Variants in KHDRBS2 observed in about 807,000 individuals in gnomAD.
KHDRBS2 encodes the protein KH domain-containing, RNA-binding, signal transduction-associated protein 2.
KHDRBS2 carries 26 observed loss-of-function variants against 44.3 expected under a neutral mutation model. The observed-to-expected ratio is 0.59, with a 90% CI of 0.43 to 0.81. The LOEUF (loss-of-function observed/expected upper bound fraction) is 0.81. Among genes scored for constraint, KHDRBS2 ranks in the 40% least tolerant of loss-of-function variants. KHDRBS2 has a pLI of 0.00. For synonymous variants in KHDRBS2, 194 were observed against 151.1 expected (o/e 1.28, Z -2.08); for missense variants, 476 against 433.1 (o/e 1.10, Z -0.88).
At chr6:61,565,143 G>A in the KHDRBS2 span, among the ~76,000 whole-genome samples, 1 of 152,016 alleles carries the variant, frequency 6.6e-6, no homozygotes, top group Admixed American at 6.6e-5. Flanking sequence ...AGACCCCTAT[G>A]TCTCACCGTA....
At chr6:61,785,970 T>A (rs1265439911) in intron 6 of KHDRBS2, among the ~76,000 whole-genome samples, 1 of 152,062 alleles carries the variant, frequency 6.6e-6, no homozygotes, top group Non-Finnish European at 1.5e-5. Context: ...GCTGACTATA[T>A]CCTTGGCTAA....
chr6:61,916,428 T>C (rs1336928444), intron 4 of KHDRBS2, among the ~76,000 whole-genome samples: 1 of 152,022 alleles, frequency 6.6e-6, no homozygotes, highest in African/African-American at 2.4e-5. Flanking sequence ...TTTATACATA[T>C]ATATATATGT....
In KHDRBS2 at chr6:62,165,347, C is replaced by CT. The variant is rs921573126; in HGVS notation, c.219+11837dup. On this transcript the variant is annotated intron_variant, in intron 2 of 8. Coordinates refer to ENST00000281156, the MANE Select transcript of KHDRBS2 (RefSeq NM_152688.4). ...GAGATAAGATAGGGATCTGGTCTTC[C>CT]TTTTTTTTTTTCTCCAATTGTCTTA... is the stretch of plus-strand genomic sequence containing the variant. Among the ~76,000 whole-genome samples, 504 of 139,550 alleles carry CT rather than the reference C, an allele frequency of 3.6e-3. 4 individuals carry two copies. Among genetic ancestry groups the CT allele is most frequent in the African/African-American group, 9.5e-3 (364 of 38,422 alleles). The allele number at this position is 139,550 out of a possible 152,430, so 91.6% of individuals were successfully genotyped here. A position where few individuals can be genotyped will look rare whatever the true frequency, so the allele number is the denominator to read the frequency against.
At chr6:62,067,281 G>C (rs1161892437) in intron 2 of KHDRBS2, among the ~76,000 whole-genome samples, 1 of 151,388 alleles carries the variant, frequency 6.6e-6, no homozygotes, top group Non-Finnish European at 1.5e-5. Flanking sequence ...CCCACTTAGC[G>C]GTATTAGAAA....
At chr6:61,764,036 T>C (rs551473098) in intron 6 of KHDRBS2, among the ~76,000 whole-genome samples, 10 of 152,178 alleles carry the variant, frequency 6.6e-5, no homozygotes, top group Non-Finnish European at 1.5e-4. Flanking sequence ...TGTGTCCATG[T>C]GTTCTCATTG....
the KHDRBS2 span, among the ~76,000 whole-genome samples, chr6:61,579,028 C>A: frequency 6.6e-6 from 1 of 152,090 alleles, no homozygotes; most frequent in Non-Finnish European, 1.5e-5. Context: ...TTGTTTTTAG[C>A]CCCTGCAGCA....
At chr6:61,544,818 A>T in the KHDRBS2 span, among the ~76,000 whole-genome samples, 2 of 152,214 alleles carry the variant, frequency 1.3e-5, no homozygotes, top group East Asian at 3.9e-4. Context: ...TTCTCAGCAA[A>T]CTATCACAAG....
chr6:62,208,762 A>G (rs1828490225), intron 1 of KHDRBS2, among the ~76,000 whole-genome samples: 1 of 152,186 alleles, frequency 6.6e-6, no homozygotes, highest in East Asian at 1.9e-4. Flanking sequence ...TGTCATTTTT[A>G]TAATAGCCAT....
rs1288725559 is a variant in KHDRBS2, at chr6:61,886,984, T to C, written c.810+7651A>G. On this transcript the variant is annotated intron_variant, in intron 6 of 8. Transcript: ENST00000281156. ...CTGAGGGGACTAAAACACTGGCTAGTGGTCTAGATGGGAGTATGAAGTACA... is the reference window on the plus strand; with the variant it reads ...CTGAGGGGACTAAAACACTGGCTAGCGGTCTAGATGGGAGTATGAAGTACA... Among the ~76,000 whole-genome samples, 3 of 152,116 alleles carry C rather than the reference T, an allele frequency of 2.0e-5. No homozygotes were observed. The East Asian group carries it at 5.8e-4, about 29-fold the overall frequency.
intron 6 of KHDRBS2, among the ~76,000 whole-genome samples, chr6:61,741,138 T>C (rs1352046226): frequency 2.0e-5 from 3 of 151,892 alleles, no homozygotes; most frequent in Non-Finnish European, 4.4e-5. Flanking sequence ...CATGCCAATG[T>C]TTTTTGTTTT....
At chr6:62,215,233 T>C (rs1163075886) in intron 1 of KHDRBS2, among the ~76,000 whole-genome samples, 1 of 151,942 alleles carries the variant, frequency 6.6e-6, no homozygotes, top group African/African-American at 2.4e-5. Flanking sequence ...GCTCTAGAAT[T>C]AGACATATGT....
At chr6:62,061,560 C>T (rs1011016051) in intron 2 of KHDRBS2, among the ~76,000 whole-genome samples, 9 of 149,800 alleles carry the variant, frequency 6.0e-5, no homozygotes, top group African/African-American at 2.2e-4. Context: ...GTCTGATGGG[C>T]TTCCCTTTGA....
At chr6:62,081,566 G>T (rs1236151979) in intron 2 of KHDRBS2, among the ~76,000 whole-genome samples, 2 of 152,014 alleles carry the variant, frequency 1.3e-5, no homozygotes, top group Non-Finnish European at 2.9e-5. Flanking sequence ...TAAGACAAAA[G>T]AATAAAATCA....
chr6:62,225,689 G>A (rs114664986), intron 1 of KHDRBS2, among the ~76,000 whole-genome samples: 4,541 of 151,188 alleles, frequency 0.03, 235 homozygotes, highest in African/African-American at 0.1. Context: ...CCTTACCCTC[G>A]GCCCCCACCC....
At chr6:61,652,151 T>TA in the KHDRBS2 span, 5 of 152,110 alleles carry the variant, frequency 3.3e-5, no homozygotes, top group Non-Finnish European at 7.4e-5. Flanking sequence ...TTTTGTTCAG[T>TA]AAAACCTAAG....
chr6:62,051,414 G>A (rs563648601), intron 2 of KHDRBS2, among the ~76,000 whole-genome samples: 1 of 151,776 alleles, frequency 6.6e-6, no homozygotes, highest in Non-Finnish European at 1.5e-5. Context: ...TCATTCTTTT[G>A]CATATAGAAA....
chr6:61,702,530 C>T (rs1768852829), intron 7 of KHDRBS2, among the ~76,000 whole-genome samples: 1 of 151,914 alleles, frequency 6.6e-6, no homozygotes, highest in Non-Finnish European at 1.5e-5. Flanking sequence ...TGAAGACTAA[C>T]AGACATTCAG....
At chr6:61,622,104 G>A in the KHDRBS2 span, among the ~76,000 whole-genome samples, 40 of 152,248 alleles carry the variant, frequency 2.6e-4, no homozygotes, top group Admixed American at 1.1e-3. Flanking sequence ...TGACCTACAG[G>A]AACTTTAAGA....
At chr6:61,630,453 G>A in the KHDRBS2 span, 1 of 152,136 alleles carries the variant, frequency 6.6e-6, no homozygotes, top group Non-Finnish European at 1.5e-5. Flanking sequence ...AACCACTGAA[G>A]GTTTTAATGT....
Sources: gnomAD v4.1 joint callset for allele counts (sites outside exome capture counted in the v4.1 genomes callset) on GRCh38, gnomAD v4.1.1 for gene constraint, MANE v1.5 for transcripts, NCBI Gene and HGNC (gene_info 2026-07-23, HGNC 2026-07-21) for gene names.